MUCL3: variants seen among roughly 807,000 people sequenced by gnomAD.
MUCL3 encodes the protein mucin-like protein 3.
MUCL3 carries 42 observed loss-of-function variants against 70.2 expected under a neutral mutation model. The ratio of observed to expected loss-of-function variants is 0.60; its 90% CI spans 0.47 to 0.77. The LOEUF is 0.77. Among genes scored for constraint, MUCL3 ranks in the 30% least tolerant of loss-of-function variants. MUCL3 has a pLI of 0.00. For missense variants in MUCL3, 1,429 were observed against 1,670.0 expected (o/e 0.86, Z 2.52); for synonymous variants, 522 against 647.0 (o/e 0.81, Z 2.93).
chr6:30,950,382 G>T lies in MUCL3; in HGVS notation c.1918G>T (p.Gly640Trp). 2 of 1,547,504 alleles carry T rather than the reference G, an allele frequency of 1.3e-6. No individual in the cohort carries two copies. The highest frequency in any genetic ancestry group is 1.7e-6 in the Non-Finnish European group (2 of 1,146,086). ...ANENTTPSPA[G>W]PTENREMTAN... ...TGAGAACACCACACCATCCCCAGCAGGGCCTACAGAAAATAGAGAAATGAC... is the reference window on the plus strand; with the variant it reads ...TGAGAACACCACACCATCCCCAGCATGGCCTACAGAAAATAGAGAAATGAC... Residue 640 changes from glycine (G) to tryptophan (W), a missense_variant, in exon 2 of 3, where the codon GGG (glycine) becomes TGG (tryptophan). Coordinates refer to ENST00000462446, the MANE Select transcript of MUCL3 (RefSeq NM_080870.4).
At position 30,949,184 on chromosome 6, in the gene MUCL3, A is replaced by G. The variant is rs1760467779; in HGVS notation, c.720A>G (p.Thr240=). 1.3e-6 allele frequency: 2 copies of G among 1,551,544 alleles called. No individual in the cohort carries two copies. Among genetic ancestry groups the G allele is most frequent in the African/African-American group, 2.7e-5 (2 of 73,158 alleles). ...TAASKTTYKT[T]GTPEESEKTE... is the part of the protein sequence containing the mutation. ...CCTCAAAAACAACATACAAGACCAC[A>G]GGAACCCCAGAAGAGTCAGAAAAAA... The change falls in exon 2 of 3, where the codon ACA becomes ACG. Residue 240 remains threonine, a synonymous_variant. Coordinates refer to ENST00000462446, the MANE Select transcript of MUCL3 (RefSeq NM_080870.4).
intron 1 of MUCL3, among the ~76,000 whole-genome samples, chr6:30,946,615 G>T (rs1322245641): frequency 1.3e-5 from 2 of 152,208 alleles, no homozygotes; most frequent in Middle Eastern, 3.4e-3. Context: ...CACTTCACAG[G>T]TTCATAATTA....
Position 30,949,045 on chromosome 6 carries a change from G to A in MUCL3, c.581G>A (p.Ser194Asn), listed in dbSNP as rs149523456. 75 of 1,551,574 alleles carry A rather than the reference G, an allele frequency of 4.8e-5. No individual in the cohort carries two copies. In the East Asian group the frequency reaches 1.1e-3, roughly 23 times the overall value. ...KTGRPLEKSM[S>N]TLDKTSTSSH... ...GGAAGACCTTTGGAAAAGTCCATGA[G>A]TACTTTGGATAAGACAAGTACCAGC... Residue 194 changes from serine (S) to asparagine (N), a missense_variant, in exon 2 of 3, where the codon AGT becomes AAT. Ser to Asn is a conservative substitution (Grantham distance 46). Coordinates refer to ENST00000462446, the MANE Select transcript of MUCL3 (RefSeq NM_080870.4).
At chr6:30,947,746 A>C (rs1250427789) in intron 1 of MUCL3, among the ~76,000 whole-genome samples, 1 of 151,228 alleles carries the variant, frequency 6.6e-6, no homozygotes, top group Non-Finnish European at 1.5e-5. Context: ...ATCTATCCCC[A>C]GTTGGCTTTA....
chr6:30,952,949 T>C (rs1329931955), intron 2 of MUCL3, 22 bp from the exon 3 acceptor site: 3 of 1,612,816 alleles, frequency 1.9e-6, no homozygotes, highest in Non-Finnish European at 2.5e-6. Flanking sequence ...TTCTCATTCC[T>C]CCTTTCTCAT....
Position 30,949,987 on chromosome 6 carries a change from C to A in MUCL3, c.1523C>A (p.Ala508Asp). ...GAAAATGGACAAAGGACCCCATTTG[C>A]CAATGAGAAAACCACATCATCCTCA... is the stretch of plus-strand genomic sequence containing the variant. ...PTENGQRTPF[A>D]NEKTTSSSAE... The change falls in exon 2 of 3, where the codon GCC (alanine) becomes GAC (aspartate). Residue 508 changes from alanine to aspartate, a missense_variant. Ala to Asp is a moderately radical substitution (Grantham distance 126). Coordinates refer to ENST00000462446, the MANE Select transcript of MUCL3 (RefSeq NM_080870.4). 2 of 1,548,716 alleles carry A rather than the reference C, an allele frequency of 1.3e-6. No individual in the cohort carries two copies. Among genetic ancestry groups the A allele is most frequent in the Non-Finnish European group, 1.7e-6 (2 of 1,146,462 alleles).
chr6:30,948,967 G>T lies in MUCL3; in HGVS notation c.503G>T (p.Cys168Phe), dbSNP rs1308009735. 1.3e-6 allele frequency: 2 copies of T among 1,551,566 alleles called. No individual in the cohort carries two copies. The highest frequency in any genetic ancestry group is 1.7e-6 in the Non-Finnish European group (2 of 1,146,960). Residue 168 changes from cysteine to phenylalanine, a missense_variant, in exon 2 of 3, where the codon TGT becomes TTT. By Grantham distance (205) the Cys-to-Phe change is radical. Coordinates refer to ENST00000462446, the MANE Select transcript of MUCL3 (RefSeq NM_080870.4). ...CCAGCACCCAAGAGCAAAATAAACT[G>T]TCGTAAGTCCACAACAGGCAAATCA... ...ITPAPKSKINCRKSTTGKSTV... is the reference protein window; with the variant it reads ...ITPAPKSKINFRKSTTGKSTV...
At chr6:30,941,966 C>A (rs1199487025) in intron 1 of MUCL3, among the ~76,000 whole-genome samples, 2 of 152,174 alleles carry the variant, frequency 1.3e-5, no homozygotes, top group Non-Finnish European at 2.9e-5. Flanking sequence ...ACCTAGCTTC[C>A]AGTCCTGACT....
intron 1 of MUCL3, 110 bp from the exon 2 acceptor site, chr6:30,948,437 T>C: frequency 1.2e-6 from 1 of 829,514 alleles, no homozygotes; most frequent in Non-Finnish European, 1.8e-6. Flanking sequence ...GGAGACTGGC[T>C]GGGGAGTCAT....
At chr6:30,952,578 GAAT>G in intron 2 of MUCL3, 79 bp downstream of exon 2, 1 of 1,437,494 alleles carries the variant, frequency 7.0e-7, no homozygotes, top group Non-Finnish European at 9.3e-7. Context: ...GAGTTACAGG[GAAT>G]AATGAGTCTA....
intron 1 of MUCL3, among the ~76,000 whole-genome samples, chr6:30,944,250 T>C (rs1335717494): frequency 6.6e-6 from 1 of 151,908 alleles, no homozygotes; most frequent in Non-Finnish European, 1.5e-5. Context: ...TTTCTTCCTT[T>C]TCTTTCCCTT....
chr6:30,951,812 CA>C lies in MUCL3; in HGVS notation c.3350del (p.Lys1117ArgfsTer21). 1 of 1,571,584 alleles carries C rather than the reference CA, an allele frequency of 6.4e-7. No individual in the cohort carries two copies. The highest frequency in any genetic ancestry group is 8.6e-7 in the Non-Finnish European group (1 of 1,159,574). ...GAGAAAGGACCACATCACCCAATGA[CA>C]AGATCACCTCATCTGCAGCAGAGTC... ...HGERTTSPND[K>X]ITSSAAESTE... On this transcript the variant is annotated frameshift_variant, in exon 2 of 3. Coordinates refer to ENST00000462446, the MANE Select transcript of MUCL3 (RefSeq NM_080870.4). LOFTEE classifies it high-confidence loss of function.
At position 30,951,745 on chromosome 6, in the gene MUCL3, A is replaced by G. The variant is rs1178039392; in HGVS notation, c.3281A>G (p.Asn1094Ser). ...CATGGAGCAAAAACTACGTCGGCCA[A>G]TGAGAAGATCACACCATCCCTAGCA... Reference protein sequence around the residue: ...TEHGAKTTSANEKITPSLAKP... With the variant: ...TEHGAKTTSASEKITPSLAKP... The change falls in exon 2 of 3, where the codon AAT becomes AGT. Residue 1094 changes from asparagine to serine, a missense_variant. Transcript: ENST00000462446. The G allele has an allele frequency of 1.9e-6, 3 of 1,552,978 alleles. No individual in the cohort carries two copies. Among genetic ancestry groups the G allele is most frequent in the Non-Finnish European group, 2.6e-6 (3 of 1,147,666 alleles).
chr6:30,950,480 C>G lies in MUCL3; in HGVS notation c.2016C>G (p.Thr672=). The change falls in exon 2 of 3, where the codon ACC becomes ACG. Residue 672 remains threonine (T), a synonymous_variant. Transcript: ENST00000462446. ...ENRERTANEK[T]TSSPAEPTEN... The stretch of plus-strand genomic sequence containing the variant: ...GAGAAAGGACAGCCAATGAGAAGAC[C>G]ACATCATCCCCAGCAGAGCCTACAG... 14 of 1,550,540 alleles carry G rather than the reference C, an allele frequency of 9.0e-6. No homozygotes were observed. Among genetic ancestry groups the G allele is most frequent in the Non-Finnish European group, 1.1e-5 (13 of 1,146,834 alleles).
intron 1 of MUCL3, among the ~76,000 whole-genome samples, chr6:30,941,882 G>A (rs1343911267): frequency 6.6e-6 from 1 of 152,048 alleles, no homozygotes; most frequent in Non-Finnish European, 1.5e-5. Context: ...AGGTAAGCAG[G>A]GATTCCAGCT....
At position 30,950,104 on chromosome 6, in the gene MUCL3, C is replaced by G. The variant is rs774150679; in HGVS notation, c.1640C>G (p.Thr547Arg). The G allele has an allele frequency of 6.4e-7, 1 of 1,550,834 alleles. No homozygotes were observed. The highest frequency in any genetic ancestry group is 8.7e-7 in the Non-Finnish European group (1 of 1,146,878). ...PAEPTENRERTANEKTTPSPA... is the reference protein window; with the variant it reads ...PAEPTENRERRANEKTTPSPA... Reference sequence around the variant, plus strand: ...GAGCCTACAGAAAATAGAGAAAGGACAGCCAATGAGAAGACCACACCATCC... The same window carrying G: ...GAGCCTACAGAAAATAGAGAAAGGAGAGCCAATGAGAAGACCACACCATCC... Residue 547 changes from threonine (T) to arginine (R), a missense_variant, in exon 2 of 3, where the codon ACA (threonine) becomes AGA (arginine). Transcript: ENST00000462446.
chr6:30,941,156 G>A (rs1419978816), intron 1 of MUCL3, 75 bp downstream of exon 1: 40 of 1,510,144 alleles, frequency 2.6e-5, no homozygotes, highest in Non-Finnish European at 3.5e-5. Context: ...ACAACAAATA[G>A]AAATGAATGA....
Position 30,953,531 on chromosome 6 carries a change from T to A in MUCL3, c.*414T>A, listed in dbSNP as rs138915130. 37 of 201,498 alleles carry A rather than the reference T, an allele frequency of 1.8e-4. No individual in the cohort carries two copies. The highest frequency in any genetic ancestry group is 7.4e-4 in the African/African-American group (32 of 43,418). The allele number at this position is 201,498 out of a possible 1,614,324, so 12.5% of individuals were successfully genotyped here. ...GGGACTGAGGGCAGAGTCTCTGGGTTTCAGGACAGCATTATGTTATTTCCA... is the reference window on the plus strand; with the variant it reads ...GGGACTGAGGGCAGAGTCTCTGGGTATCAGGACAGCATTATGTTATTTCCA... On this transcript the variant is annotated 3_prime_UTR_variant, in exon 3 of 3. Coordinates refer to ENST00000462446, the MANE Select transcript of MUCL3 (RefSeq NM_080870.4).
rs762979332 is a variant in MUCL3, at chr6:30,941,072, T to TG, written c.79dup (p.Ala27GlyfsTer31). 40 of 1,550,314 alleles carry TG rather than the reference T, an allele frequency of 2.6e-5. No homozygotes were observed. Among genetic ancestry groups the TG allele is most frequent in the Middle Eastern group, 1.7e-4 (1 of 6,012 alleles). ...CTGCCTCCTCTTCCTTCTAGCTTCT[T>TG]GGGGGGCAGGTAAGATGCCCACAGG... On this transcript the variant is annotated frameshift_variant, in exon 1 of 3. Coordinates refer to ENST00000462446, the MANE Select transcript of MUCL3 (RefSeq NM_080870.4). LOFTEE classifies it high-confidence loss of function.
Sources: gnomAD v4.1 joint callset for allele counts (sites outside exome capture counted in the v4.1 genomes callset) on GRCh38, gnomAD v4.1.1 for gene constraint, MANE v1.5 for transcripts, NCBI Gene and HGNC (gene_info 2026-07-23, HGNC 2026-07-21) for gene names.